POR: variants seen among roughly 807,000 people sequenced by gnomAD.
The protein encoded by POR is NADPH--cytochrome P450 reductase.
A neutral mutation model predicts 84.0 loss-of-function variants in POR; 56 were observed. The ratio of observed to expected loss-of-function variants is 0.67; its 90% CI spans 0.54 to 0.83. POR has a LOEUF of 0.83. Ranked by LOEUF, POR falls within the 40% of genes least tolerant of loss-of-function variation. POR has a pLI of 0.00. For missense variants in POR, 938 were observed against 944.3 expected, an observed-to-expected ratio of 0.99 and a Z score of 0.09; for synonymous variants, 414 against 400.5, an observed-to-expected ratio of 1.03 and a Z score of -0.40.
chr7:75,931,913 G>A lies in POR; in HGVS notation c.-5+16734G>A, dbSNP rs141907752. ...CGATTCAGTTTGCCCTCCCTGCTGGGGCACAGGTGTCATGGCCTCCCTTAA... is the reference window on the plus strand; with the variant it reads ...CGATTCAGTTTGCCCTCCCTGCTGGAGCACAGGTGTCATGGCCTCCCTTAA... On this transcript the variant is annotated intron_variant, in intron 1 of 15. Transcript: ENST00000461988. Among the ~76,000 whole-genome samples, 256 of 152,244 alleles carry A rather than the reference G, an allele frequency of 1.7e-3. 2 individuals are homozygous for A. The highest frequency in any genetic ancestry group is 3.4e-3 in the Middle Eastern group (1 of 294).
chr7:75,973,520 G>A (rs1788534379), intron 3 of POR, among the ~76,000 whole-genome samples: 1 of 151,916 alleles, frequency 6.6e-6, no homozygotes, highest in African/African-American at 2.4e-5. Flanking sequence ...TTCTCGCTAT[G>A]TTGCCCAGGC....
Position 75,961,559 on chromosome 7 carries a change from G to C in POR, c.188+7379G>C, listed in dbSNP as rs976370899. On this transcript the variant is annotated intron_variant, in intron 2 of 15. Transcript: ENST00000461988. ...TCAAACACCAGAGTGTAGGGCACAGGAGAGTGGACCCCATACGCCTCCAGC... is the reference window on the plus strand; with the variant it reads ...TCAAACACCAGAGTGTAGGGCACAGCAGAGTGGACCCCATACGCCTCCAGC... Among the ~76,000 whole-genome samples, 3 of 152,100 alleles carry C rather than the reference G, an allele frequency of 2.0e-5. No homozygotes were observed. In the South Asian group the frequency reaches 6.2e-4, roughly 32 times the overall value.
At chr7:75,967,964 C>T (rs1399055742) in intron 2 of POR, 4 of 440,692 alleles carry the variant, frequency 9.1e-6, no homozygotes, top group Non-Finnish European at 1.8e-5. Context: ...ACTTCCTCAC[C>T]AGTACGGAAC....
Position 75,983,861 on chromosome 7 carries a change from G to A in POR, c.1066+5G>A. 1 of 1,598,498 alleles carries A rather than the reference G, an allele frequency of 6.3e-7. No homozygotes were observed. Among genetic ancestry groups the A allele is most frequent in the Non-Finnish European group, 8.5e-7 (1 of 1,171,972 alleles). On this transcript the variant is annotated splice_donor_5th_base_variant and intron_variant, in intron 10 of 15. Coordinates refer to ENST00000461988, the MANE Select transcript of POR (RefSeq NM_000941.3). ...TGTCCCTGAACAACCTGGATGGTGA[G>A]TGCCACAGTCAGGGCGCCCTGCCGG...
chr7:75,985,861 C>A lies in POR; in HGVS notation c.1669+12C>A, dbSNP rs782718604. On this transcript the variant is annotated intron_variant, in intron 13 of 15. Transcript: ENST00000461988. ...GCTGCGACAGCAGGGTGAGTGGGGTCCCATGGGGGAGAGGGGGTGACGACT... is the reference window on the plus strand; with the variant it reads ...GCTGCGACAGCAGGGTGAGTGGGGTACCATGGGGGAGAGGGGGTGACGACT... 1.3e-6 allele frequency: 2 copies of A among 1,550,050 alleles called. 1 individual carries two copies. Among genetic ancestry groups the A allele is most frequent in the South Asian group, 2.4e-5 (2 of 83,536 alleles).
chr7:75,959,011 T>C (rs929495455), intron 2 of POR, among the ~76,000 whole-genome samples: 1 of 152,228 alleles, frequency 6.6e-6, no homozygotes, highest in African/African-American at 2.4e-5. Context: ...TTGAGGATCA[T>C]GTTGACGCTC....
At chr7:75,946,335 A>G (rs1787169692) in intron 1 of POR, among the ~76,000 whole-genome samples, 1 of 151,914 alleles carries the variant, frequency 6.6e-6, no homozygotes, top group Admixed American at 6.6e-5. Flanking sequence ...TGCCTAGACT[A>G]CAGTGTAGTG....
rs1423619019 is a variant in POR at position 75,980,327 on chromosome 7, C to T, written c.367-12C>T. 6.2e-7 allele frequency: 1 copy of T among 1,610,768 alleles called. No homozygotes were observed. Among genetic ancestry groups the T allele is most frequent in the Non-Finnish European group, 8.5e-7 (1 of 1,178,102 alleles). On this transcript the variant is annotated splice_polypyrimidine_tract_variant and intron_variant, in intron 4 of 15. Transcript: ENST00000461988. ...TCATGGCCGGGGCGCGGTCCTGTCC[C>T]TGTTTCTGCAGGCCGACCTGAGCAG...
intron 1 of POR, among the ~76,000 whole-genome samples, chr7:75,919,539 T>C (rs2116189983): frequency 6.6e-6 from 1 of 152,234 alleles, no homozygotes; most frequent in Non-Finnish European, 1.5e-5. Flanking sequence ...TTTCCTTTTC[T>C]CTCTCTGTAT....
chr7:75,982,294 C>T lies in POR; in HGVS notation c.802C>T (p.Arg268Trp), dbSNP rs200471958. ...CAAGGTGTACATGGGGGAGATGGGC[C>T]GGCTGAAGAGCTACGAGAACCAGAA... The change falls in exon 8 of 16, where the codon CGG becomes TGG. Residue 268 changes from arginine to tryptophan, a missense_variant. Coordinates refer to ENST00000461988, the MANE Select transcript of POR (RefSeq NM_000941.3). The T allele has an allele frequency of 1.4e-4, 222 of 1,612,388 alleles. No individual in the cohort carries two copies. Among genetic ancestry groups the T allele is most frequent in the South Asian group, 3.4e-4 (31 of 90,784 alleles).
rs781971143 is a variant in POR, at chr7:75,983,489, C to T, written c.831-31C>T. 15 of 1,515,934 alleles carry T rather than the reference C, an allele frequency of 9.9e-6. No homozygotes were observed. In the Admixed American group the frequency reaches 1.0e-4, roughly 10 times the overall value. 93.9% of individuals were successfully genotyped at this position (1,515,934 alleles called of 1,614,324 possible). Reference sequence around the variant, plus strand: ...CGGAGACTCAGATCAAAGCCCCGGCCGCTCACTGTGCTTCTCTCCTCCCCA... The same window carrying T: ...CGGAGACTCAGATCAAAGCCCCGGCTGCTCACTGTGCTTCTCTCCTCCCCA... On this transcript the variant is annotated intron_variant, in intron 8 of 15. Transcript: ENST00000461988.
intron 1 of POR, among the ~76,000 whole-genome samples, chr7:75,929,989 G>T (rs1291850496): frequency 6.6e-6 from 1 of 152,148 alleles, no homozygotes; most frequent in Non-Finnish European, 1.5e-5. Flanking sequence ...GACAGAGAGG[G>T]TCCCACAAGG....
chr7:75,982,106 G>T (rs55638710), intron 7 of POR, 118 bp from the exon 8 acceptor site: 1 of 734,340 alleles, frequency 1.4e-6, no homozygotes, highest in East Asian at 2.7e-5. Context: ...GCTTCTTGTC[G>T]TATGTACCTG....
intron 1 of POR, among the ~76,000 whole-genome samples, chr7:75,950,652 AG>A (rs1469832546): frequency 1.3e-5 from 2 of 152,218 alleles, no homozygotes; most frequent in Admixed American, 1.3e-4. Flanking sequence ...GTGGCTCATA[AG>A]CTTGACAGAG....
intron 1 of POR, among the ~76,000 whole-genome samples, chr7:75,951,978 T>A (rs1256571485): frequency 1.4e-5 from 2 of 148,114 alleles, no homozygotes; most frequent in Non-Finnish European, 3.0e-5. Flanking sequence ...CCCCCCCACC[T>A]CCCTCCCGGA....
At chr7:75,923,186 T>A in intron 1 of POR, 2 of 1,143,644 alleles carry the variant, frequency 1.7e-6, no homozygotes, top group Non-Finnish European at 2.6e-6. Flanking sequence ...CAAGCCAAGG[T>A]CAAGAATAAG....
intron 4 of POR, 42 bp downstream of exon 4, chr7:75,979,621 G>A: frequency 6.2e-7 from 1 of 1,608,076 alleles, no homozygotes. Context: ...GAGGCAGTGG[G>A]TAGGACAGGG....
intron 3 of POR, among the ~76,000 whole-genome samples, chr7:75,978,029 T>C (rs1440691379): frequency 2.0e-5 from 3 of 152,228 alleles, no homozygotes; most frequent in African/African-American, 4.8e-5. Context: ...CTGACGAGTA[T>C]GTGAGCCAGC....
At chr7:75,981,701 A>G in intron 7 of POR, 95 bp downstream of exon 7, 1 of 1,030,478 alleles carries the variant, frequency 9.7e-7, no homozygotes, top group South Asian at 1.5e-5. Flanking sequence ...GGTCGCAGCA[A>G]GGTTAGAAGA....
Sources: allele counts gnomAD v4.1 joint callset (sites outside exome capture counted in the v4.1 genomes callset), GRCh38; gene constraint gnomAD v4.1.1; transcripts MANE v1.5; gene names NCBI Gene and HGNC (gene_info 2026-07-23, HGNC 2026-07-21).